The following RUNDC3B variants were observed in gnomAD, a reference collection of about 807,000 sequenced individuals.
RUNDC3B encodes the protein RUN domain containing 3B, also known as RUN domain-containing protein 3B.
RUNDC3B carries 33 observed loss-of-function variants against 58.4 expected under a neutral mutation model. The ratio of observed to expected loss-of-function variants is 0.56; its 90% confidence interval spans 0.43 to 0.75. The LOEUF (loss-of-function observed/expected upper bound fraction) is 0.75, where lower values mean the gene tolerates loss of function less well. RUNDC3B is among the 30% of genes least tolerant of loss of function. The pLI is 0.00. For synonymous variants in RUNDC3B, 193 were observed against 195.2 expected, an observed-to-expected ratio of 0.99 and a Z score of 0.10; for missense variants, 501 against 535.7, an observed-to-expected ratio of 0.94 and a Z score of 0.64.
chr7:87,652,996 A>G (rs1823736375), intron 2 of RUNDC3B, among the ~76,000 whole-genome samples: 1 of 152,018 alleles, frequency 6.6e-6, no homozygotes, highest in South Asian at 2.1e-4. Context: ...TCCCCCAGAC[A>G]CAGTATAGGC....
At position 87,679,992 on chromosome 7, in the gene RUNDC3B, C is replaced by T. The variant is rs775203073; in HGVS notation, c.239-20429C>T. ...GCTGCACCCATCAACCTGTCACCTA[C>T]ATTAGGTATTTCTCCTAATGTTATC... On this transcript the variant is annotated intron_variant, in intron 2 of 10. Coordinates refer to ENST00000394654, the MANE Select transcript of RUNDC3B (RefSeq NM_001134405.2). Among the ~76,000 whole-genome samples, 10 of 150,644 alleles carry T rather than the reference C, an allele frequency of 6.6e-5. 2 individuals are homozygous for T. The highest frequency in any genetic ancestry group is 4.6e-4 in the Admixed American group (7 of 15,090).
intron 9 of RUNDC3B, among the ~76,000 whole-genome samples, chr7:87,812,897 C>G (rs1017612549): frequency 6.6e-6 from 1 of 152,086 alleles, no homozygotes; most frequent in Non-Finnish European, 1.5e-5. Flanking sequence ...GATCAGTTAC[C>G]GTTACCGCAT....
intron 10 of RUNDC3B, among the ~76,000 whole-genome samples, chr7:87,821,318 G>A (rs1837418755): frequency 6.6e-6 from 1 of 152,042 alleles, no homozygotes; most frequent in Admixed American, 6.6e-5. Context: ...AAATACTTAG[G>A]AATCCAACTT....
intron 6 of RUNDC3B, among the ~76,000 whole-genome samples, chr7:87,746,983 ATT>A (rs1360283565): frequency 6.6e-6 from 1 of 151,224 alleles, no homozygotes; most frequent in Non-Finnish European, 1.5e-5. Context: ...TAAATCAGGG[ATT>A]TCTTCTTGGT....
At chr7:87,716,118 G>A (rs1212101492) in intron 4 of RUNDC3B, among the ~76,000 whole-genome samples, 1 of 152,242 alleles carries the variant, frequency 6.6e-6, no homozygotes, top group African/African-American at 2.4e-5. Flanking sequence ...ACCACGTTCA[G>A]AGTGATTACC....
Position 87,777,879 on chromosome 7 carries a change from A to G in RUNDC3B, c.880A>G (p.Ile294Val), listed in dbSNP as rs1260235879. 6.2e-7 allele frequency: 1 copy of G among 1,612,552 alleles called. No homozygotes were observed. The highest frequency in any genetic ancestry group is 8.5e-7 in the Non-Finnish European group (1 of 1,178,630). Reference protein sequence around the residue: ...VSQNKILLQRIEDSDLAHKLE... With the variant: ...VSQNKILLQRVEDSDLAHKLE... ...CCAGAATAAAATACTACTTCAAAGG[A>G]TTGAAGATTCCGATCTGGCTCATAA... Residue 294 changes from isoleucine (I) to valine (V), a missense_variant, in exon 8 of 11, where the codon ATT becomes GTT. Physicochemically the swap from Ile to Val is conservative, Grantham distance 29. Coordinates refer to ENST00000394654, the MANE Select transcript of RUNDC3B (RefSeq NM_001134405.2).
At chr7:87,693,844 C>T in intron 2 of RUNDC3B, 1 of 1,533,068 alleles carries the variant, frequency 6.5e-7, no homozygotes. Context: ...CAGTTTGGAA[C>T]TGTAAACATG....
At chr7:87,826,297 G>T (rs1250908629) in intron 10 of RUNDC3B, among the ~76,000 whole-genome samples, 1 of 152,046 alleles carries the variant, frequency 6.6e-6, no homozygotes, top group Non-Finnish European at 1.5e-5. Context: ...TTCAAAAGGG[G>T]AGTTTCCCTG....
intron 6 of RUNDC3B, among the ~76,000 whole-genome samples, chr7:87,754,073 G>C (rs1403191420): frequency 6.6e-6 from 1 of 151,910 alleles, no homozygotes; most frequent in African/African-American, 2.4e-5. Context: ...AATGGTGCTT[G>C]TGCTGAAAAG....
chr7:87,779,345 A>G (rs1222945620), intron 8 of RUNDC3B, among the ~76,000 whole-genome samples: 3 of 152,186 alleles, frequency 2.0e-5, no homozygotes, highest in African/African-American at 7.2e-5. Flanking sequence ...TGATATTTCT[A>G]AAGAAAACTA....
intron 3 of RUNDC3B, chr7:87,709,321 C>T: frequency 1.0e-6 from 1 of 985,142 alleles, no homozygotes; most frequent in African/African-American, 1.7e-5. Flanking sequence ...ATTCAAGACA[C>T]CGCTACTAGT....
rs1243813909 is a variant in RUNDC3B at position 87,719,348 on chromosome 7, A to G, written c.458+8693A>G. 9.9e-5 allele frequency among the ~76,000 whole-genome samples: 15 copies of G among 152,118 alleles called. No individual in the cohort carries two copies. In the East Asian group the frequency reaches 2.9e-3, roughly 29 times the overall value. On this transcript the variant is annotated intron_variant, in intron 4 of 10. Transcript: ENST00000394654. ...AATTTATAATTTGGCTGCAATCTCT[A>G]TGTTAATAAGTTTCTTTACATAATT...
chr7:87,689,048 C>G (rs1827755979), intron 2 of RUNDC3B, among the ~76,000 whole-genome samples: 1 of 151,956 alleles, frequency 6.6e-6, no homozygotes, highest in South Asian at 2.1e-4. Flanking sequence ...ATGAACATCA[C>G]TTTCAAAATC....
Position 87,689,654 on chromosome 7 carries a change from A to G in RUNDC3B, c.239-10767A>G, listed in dbSNP as rs529198967. On this transcript the variant is annotated intron_variant, in intron 2 of 10. Transcript: ENST00000394654. ...TTATAGAAGAGGGGAAAGATTACAC[A>G]ATTTAGTGGACTTTGTTCATTTTAG... is the stretch of plus-strand genomic sequence containing the variant. Among the ~76,000 whole-genome samples, 3 of 152,250 alleles carry G rather than the reference A, an allele frequency of 2.0e-5. No homozygotes were observed. The East Asian group carries it at 5.8e-4, about 29-fold the overall frequency.
At chr7:87,732,514 C>A (rs1435593418) in intron 4 of RUNDC3B, among the ~76,000 whole-genome samples, 1 of 152,136 alleles carries the variant, frequency 6.6e-6, no homozygotes, top group Non-Finnish European at 1.5e-5. Flanking sequence ...ACAAAGAAGG[C>A]CACATTGGGC....
chr7:87,822,112 A>G (rs1023464438), intron 10 of RUNDC3B, among the ~76,000 whole-genome samples: 4 of 152,072 alleles, frequency 2.6e-5, no homozygotes, highest in Non-Finnish European at 5.9e-5. Context: ...GCAACCTACA[A>G]AATGGGAGAA....
At chr7:87,682,720 T>C (rs1404685886) in intron 2 of RUNDC3B, among the ~76,000 whole-genome samples, 4 of 152,226 alleles carry the variant, frequency 2.6e-5, no homozygotes, top group African/African-American at 9.6e-5. Flanking sequence ...GCTCCATTTA[T>C]AGAGCTCAGG....
At chr7:87,766,087 T>C (rs1833962687) in intron 6 of RUNDC3B, among the ~76,000 whole-genome samples, 1 of 152,166 alleles carries the variant, frequency 6.6e-6, no homozygotes, top group African/African-American at 2.4e-5. Flanking sequence ...TTAAAGTCTG[T>C]TTTGTATGAT....
intron 10 of RUNDC3B, among the ~76,000 whole-genome samples, chr7:87,816,584 C>T (rs1301753398): frequency 6.6e-6 from 1 of 152,142 alleles, no homozygotes; most frequent in Non-Finnish European, 1.5e-5. Flanking sequence ...CAGAGAACTG[C>T]TAATGTCAGT....
Sources: gnomAD v4.1 joint callset for allele counts (sites outside exome capture counted in the v4.1 genomes callset) on GRCh38, gnomAD v4.1.1 for gene constraint, MANE v1.5 for transcripts, NCBI Gene and HGNC (gene_info 2026-07-23, HGNC 2026-07-21) for gene names.